RBMS3: variants seen among roughly 807,000 people sequenced by gnomAD.
RBMS3 encodes RNA-binding motif, single-stranded-interacting protein 3.
Under a neutral mutation model 66.8 loss-of-function variants are expected in RBMS3, and 27 were observed. The ratio of observed to expected loss-of-function variants is 0.40; its 90% CI spans 0.30 to 0.56. The LOEUF (loss-of-function observed/expected upper bound fraction) is 0.56. RBMS3 is among the 20% of genes least tolerant of loss of function. The pLI is 0.40. For synonymous variants in RBMS3, 188 were observed against 183.0 expected, an observed-to-expected ratio of 1.03 and a Z score of -0.22; for missense variants, 513 against 549.5, an observed-to-expected ratio of 0.93 and a Z score of 0.66.
intron 2 of RBMS3, among the ~76,000 whole-genome samples, chr3:29,438,073 C>T (rs2041472939): frequency 7.3e-6 from 1 of 136,662 alleles, no homozygotes; most frequent in Non-Finnish European, 1.5e-5. Flanking sequence ...GTAGTGTTGG[C>T]CTCTCACAGT....
intron 1 of RBMS3, among the ~76,000 whole-genome samples, chr3:29,424,351 T>C (rs1295978745): frequency 2.0e-5 from 3 of 152,172 alleles, no homozygotes; most frequent in Non-Finnish European, 2.9e-5. Flanking sequence ...ATTTTCCCGG[T>C]TTGTAAGATA....
intron 4 of RBMS3, among the ~76,000 whole-genome samples, chr3:29,647,594 A>G (rs1448649365): frequency 1.5e-5 from 2 of 136,320 alleles, no homozygotes; most frequent in Admixed American, 7.5e-5. Flanking sequence ...ACTCCATAGT[A>G]TCTTAAGGCT....
chr3:29,898,244 A>G (rs565094640), intron 9 of RBMS3, among the ~76,000 whole-genome samples: 1 of 151,746 alleles, frequency 6.6e-6, no homozygotes, highest in South Asian at 2.1e-4. Context: ...TCCAATTCTA[A>G]TTAGAAAACG....
intron 4 of RBMS3, among the ~76,000 whole-genome samples, chr3:29,610,391 C>T (rs1245573717): frequency 6.6e-6 from 1 of 152,036 alleles, no homozygotes; most frequent in Non-Finnish European, 1.5e-5. Flanking sequence ...CCCTCTGTTA[C>T]CCACCTTGAT....
chr3:29,945,457 A>G (rs11708584), intron 12 of RBMS3, among the ~76,000 whole-genome samples: 86,651 of 151,556 alleles, frequency 0.57, 27,401 homozygotes, highest in Non-Finnish European at 0.72. Flanking sequence ...TAAGGTCTCT[A>G]CAATAAATTG....
At chr3:29,332,827 A>T (rs1187082305) in intron 1 of RBMS3, among the ~76,000 whole-genome samples, 1 of 152,154 alleles carries the variant, frequency 6.6e-6, no homozygotes, top group Non-Finnish European at 1.5e-5. Flanking sequence ...TGGAAAATAA[A>T]TAAGGAAATT....
intron 3 of RBMS3, among the ~76,000 whole-genome samples, chr3:29,514,834 G>T (rs867116939): frequency 6.6e-6 from 1 of 151,124 alleles, no homozygotes; most frequent in Non-Finnish European, 1.5e-5. Context: ...ATAATAATAT[G>T]AGGATAATAG....
intron 3 of RBMS3, among the ~76,000 whole-genome samples, chr3:29,559,849 C>G (rs537213885): frequency 6.6e-6 from 1 of 152,190 alleles, no homozygotes; most frequent in South Asian, 2.1e-4. Flanking sequence ...AGCTTTCTTT[C>G]AAAGGGCATT....
At chr3:29,987,905 TG>T (rs1698538115) in intron 12 of RBMS3, among the ~76,000 whole-genome samples, 1 of 152,048 alleles carries the variant, frequency 6.6e-6, no homozygotes, top group African/African-American at 2.4e-5. Context: ...AGTGAGGAAA[TG>T]GGGGTGAATT....
intron 4 of RBMS3, among the ~76,000 whole-genome samples, chr3:29,685,275 A>G (rs1252829996): frequency 6.6e-6 from 1 of 151,900 alleles, no homozygotes; most frequent in East Asian, 1.9e-4. Context: ...GTTAGCCAGG[A>G]TGGTCTCCAT....
intron 6 of RBMS3, among the ~76,000 whole-genome samples, chr3:29,826,678 T>A (rs567348109): frequency 2.5e-4 from 38 of 152,260 alleles, no homozygotes; most frequent in African/African-American, 8.9e-4. Flanking sequence ...ATTACTTAAC[T>A]TTTTCAGTTT....
At chr3:29,955,517 A>T (rs1300728582) in intron 12 of RBMS3, among the ~76,000 whole-genome samples, 1 of 151,952 alleles carries the variant, frequency 6.6e-6, no homozygotes, top group African/African-American at 2.4e-5. Flanking sequence ...TCTAAGTTAG[A>T]TCCTTGGATT....
intron 14 of RBMS3, among the ~76,000 whole-genome samples, chr3:29,997,161 A>T (rs971743652): frequency 6.6e-6 from 1 of 152,056 alleles, no homozygotes; most frequent in Non-Finnish European, 1.5e-5. Flanking sequence ...TAAACTAGAA[A>T]ATCTAGAAGA....
intron 6 of RBMS3, among the ~76,000 whole-genome samples, chr3:29,797,337 T>C (rs562385016): frequency 6.6e-6 from 1 of 152,346 alleles, no homozygotes; most frequent in East Asian, 1.9e-4. Context: ...TCCAACTTTT[T>C]TTCTGCAGCT....
At chr3:29,847,849 G>T (rs1213401926) in intron 6 of RBMS3, among the ~76,000 whole-genome samples, 3 of 151,970 alleles carry the variant, frequency 2.0e-5, no homozygotes. Flanking sequence ...GTAGAGACGG[G>T]GTGTCACCGT....
At chr3:29,652,116 C>A (rs1254929919) in intron 4 of RBMS3, among the ~76,000 whole-genome samples, 2 of 152,108 alleles carry the variant, frequency 1.3e-5, no homozygotes, top group African/African-American at 2.4e-5. Context: ...AGATGTCTTT[C>A]ATCCCGAACA....
chr3:29,761,854 C>T (rs1226072637), intron 5 of RBMS3, among the ~76,000 whole-genome samples: 1 of 152,116 alleles, frequency 6.6e-6, no homozygotes, highest in Non-Finnish European at 1.5e-5. Flanking sequence ...ACATTTCACA[C>T]ATTTCATACA....
intron 6 of RBMS3, among the ~76,000 whole-genome samples, chr3:29,801,272 C>CTTTTTTTTCTT (rs1553672568): frequency 3.1e-5 from 4 of 129,478 alleles, no homozygotes; most frequent in Non-Finnish European, 6.5e-5. Context: ...TGCTTTTTTT[C>CTTTTTTTTCTT]TTTTTTTTTT....
In RBMS3 at chr3:29,286,632, G is replaced by T. The variant is rs565685981; in HGVS notation, c.75+4876G>T. ...AATGTATCTGAGGGCTGGGGGTAGG[G>T]ATAATTTGCAGGGAGGGACACAATA... On this transcript the variant is annotated intron_variant, in intron 1 of 14. Transcript: ENST00000383767. Among the ~76,000 whole-genome samples, 24 of 152,164 alleles carry T rather than the reference G, an allele frequency of 1.6e-4. No homozygotes were observed. The South Asian group carries it at 4.6e-3, about 29-fold the overall frequency.
Sources: allele counts gnomAD v4.1 joint callset (sites outside exome capture counted in the v4.1 genomes callset), GRCh38; gene constraint gnomAD v4.1.1; transcripts MANE v1.5; gene names NCBI Gene and HGNC (gene_info 2026-07-23, HGNC 2026-07-21).